Variants in F2RL1 observed in about 807,000 individuals in gnomAD.
F2RL1 encodes F2R like trypsin receptor 1.
F2RL1 carries 16 observed loss-of-function variants against 21.7 expected under a neutral mutation model. That is an observed-to-expected ratio of 0.74 (90% CI 0.50 to 1.12). The LOEUF (loss-of-function observed/expected upper bound fraction) is 1.12. Ranked by LOEUF, F2RL1 falls within the 50% of genes most tolerant of loss-of-function variation. F2RL1 has a pLI of 0.00. For missense variants in F2RL1, 432 were observed against 477.8 expected (o/e 0.90, Z 0.89); for synonymous variants, 181 against 186.7 (o/e 0.97, Z 0.25).
chr5:76,819,308 G>A (rs750214058), intron 1 of F2RL1, 44 bp downstream of exon 1: 3 of 1,520,434 alleles, frequency 2.0e-6, no homozygotes, highest in Admixed American at 4.0e-5. Context: ...TGAGGAGCTG[G>A]GGTCCTGGGC....
chr5:76,822,219 AT>A (rs926842068), intron 1 of F2RL1, among the ~76,000 whole-genome samples: 26 of 149,344 alleles, frequency 1.7e-4, no homozygotes, highest in Middle Eastern at 3.5e-3. Context: ...TGGTATTTCC[AT>A]TTTTTTTTTC....
intron 1 of F2RL1, among the ~76,000 whole-genome samples, chr5:76,828,481 C>A (rs1014376063): frequency 1.5e-5 from 2 of 133,300 alleles, no homozygotes; most frequent in African/African-American, 5.7e-5. Flanking sequence ...ATTCAAATTT[C>A]TTTCTTTTTT....
chr5:76,819,190 G>T lies in F2RL1; in HGVS notation c.8G>T (p.Ser3Ile). Reference sequence around the variant, plus strand: ...GTCGGGGCTTCCAGGAGGATGCGGAGCCCCAGCGCGGCGTGGCTGCTGGGG... The same window carrying T: ...GTCGGGGCTTCCAGGAGGATGCGGATCCCCAGCGCGGCGTGGCTGCTGGGG... MR[S>I]PSAAWLLGAA... The change falls in exon 1 of 2, where the codon AGC becomes ATC. Residue 3 changes from serine to isoleucine, a missense_variant. Coordinates refer to ENST00000296677, the MANE Select transcript of F2RL1 (RefSeq NM_005242.6). The T allele has an allele frequency of 6.3e-7, 1 of 1,583,840 alleles. No individual in the cohort carries two copies. Among genetic ancestry groups the T allele is most frequent in the Non-Finnish European group, 8.5e-7 (1 of 1,174,210 alleles).
intron 1 of F2RL1, among the ~76,000 whole-genome samples, chr5:76,827,325 CA>C (rs764040748): frequency 0.26 from 22,531 of 87,264 alleles, 2,639 homozygotes; most frequent in African/African-American, 0.47. Context: ...ACTAAAAATA[CA>C]AAAAAAAAAA....
At position 76,833,480 on chromosome 5, in the gene F2RL1, T is replaced by G; in HGVS notation, c.873T>G (p.Thr291=). The part of the protein sequence containing the change: ...KRKRAIKLIV[T]VLAMYLICFT... ...AGAGGGCCATCAAACTCATTGTCAC[T>G]GTCCTGGCCATGTACCTGATCTGCT... Residue 291 remains threonine, a synonymous_variant, in exon 2 of 2, where the codon ACT becomes ACG. Coordinates refer to ENST00000296677, the MANE Select transcript of F2RL1 (RefSeq NM_005242.6). 1 of 1,613,914 alleles carries G rather than the reference T, an allele frequency of 6.2e-7. No individual in the cohort carries two copies. Among genetic ancestry groups the G allele is most frequent in the South Asian group, 1.1e-5 (1 of 91,058 alleles).
intron 1 of F2RL1, among the ~76,000 whole-genome samples, chr5:76,822,245 TCTCA>T (rs1047825425): frequency 6.6e-6 from 1 of 152,050 alleles, no homozygotes; most frequent in African/African-American, 2.4e-5. Flanking sequence ...TGAGATAGAA[TCTCA>T]CTCTGTTGCC....
chr5:76,827,325 CAAAAAAAAAAA>C (rs764040748), intron 1 of F2RL1, among the ~76,000 whole-genome samples: 4 of 87,602 alleles, frequency 4.6e-5, no homozygotes, highest in Non-Finnish European at 6.5e-5. Flanking sequence ...ACTAAAAATA[CAAAAAAAAAAA>C]AAAAAAAAAA....
rs755801111 is a variant in F2RL1, at chr5:76,819,197, C to T, written c.15C>T (p.Ser5=). The T allele has an allele frequency of 6.3e-7, 1 of 1,586,674 alleles. No homozygotes were observed. Among genetic ancestry groups the T allele is most frequent in the Non-Finnish European group, 8.5e-7 (1 of 1,175,424 alleles). Residue 5 remains serine, a synonymous_variant, in exon 1 of 2, where the codon AGC becomes AGT. Transcript: ENST00000296677. The part of the protein sequence containing the change: MRSP[S]AAWLLGAAIL... ...CTTCCAGGAGGATGCGGAGCCCCAGCGCGGCGTGGCTGCTGGGGGCCGCCA... is the reference window on the plus strand; with the variant it reads ...CTTCCAGGAGGATGCGGAGCCCCAGTGCGGCGTGGCTGCTGGGGGCCGCCA...
intron 1 of F2RL1, among the ~76,000 whole-genome samples, chr5:76,827,085 A>G (rs1160276722): frequency 1.3e-5 from 2 of 151,536 alleles, no homozygotes; most frequent in East Asian, 2.0e-4. Context: ...TCCTGGCCTC[A>G]AGCACTTCTC....
chr5:76,819,384 T>C, intron 1 of F2RL1, 120 bp downstream of exon 1: 1 of 825,434 alleles, frequency 1.2e-6, no homozygotes, highest in Non-Finnish European at 1.8e-6. Context: ...CACCCATCTC[T>C]ACGAATCCCT....
intron 1 of F2RL1, among the ~76,000 whole-genome samples, chr5:76,820,853 C>A (rs561210068): frequency 4.6e-5 from 7 of 152,162 alleles, no homozygotes; most frequent in Non-Finnish European, 1.0e-4. Flanking sequence ...TCCTCATCCT[C>A]CCCCCACCAT....
chr5:76,833,668 A>G lies in F2RL1; in HGVS notation c.1061A>G (p.His354Arg), dbSNP rs1365940201. Residue 354 changes from histidine (H) to arginine (R), a missense_variant, in exon 2 of 2, where the codon CAT (histidine) becomes CGT (arginine). By Grantham distance (29) the His-to-Arg change is conservative. Transcript: ENST00000296677. Reference sequence around the variant, plus strand: ...TTTGTTTCACATGATTTCAGGGATCATGCAAAGAACGCTCTCCTTTGCCGA... The same window carrying G: ...TTTGTTTCACATGATTTCAGGGATCGTGCAAAGAACGCTCTCCTTTGCCGA... ...YYFVSHDFRD[H>R]AKNALLCRSV... The G allele has an allele frequency of 6.2e-7, 1 of 1,614,056 alleles. No individual in the cohort carries two copies. Among genetic ancestry groups the G allele is most frequent in the Non-Finnish European group, 8.5e-7 (1 of 1,180,028 alleles).
In F2RL1 at chr5:76,832,786, C is replaced by T; in HGVS notation, c.179C>T (p.Ser60Phe). 6.2e-7 allele frequency: 1 copy of T among 1,614,246 alleles called. No individual in the cohort carries two copies. The highest frequency in any genetic ancestry group is 8.5e-7 in the Non-Finnish European group (1 of 1,180,044). The stretch of plus-strand genomic sequence containing the variant: ...GGAGTTACAGTTGAAACAGTCTTTT[C>T]TGTGGATGAGTTTTCTGCATCTGTC... ...GKGVTVETVF[S>F]VDEFSASVLT... is the part of the protein sequence containing the mutation. Residue 60 changes from serine (S) to phenylalanine (F), a missense_variant, in exon 2 of 2, where the codon TCT (serine) becomes TTT (phenylalanine). Physicochemically the swap from Ser to Phe is radical, Grantham distance 155 (BLOSUM62 -2). Transcript: ENST00000296677.
chr5:76,828,652 AT>A (rs34494664), intron 1 of F2RL1, among the ~76,000 whole-genome samples: 76,397 of 146,502 alleles, frequency 0.52, 20,027 homozygotes, highest in South Asian at 0.72. Context: ...TGCCTGGCTA[AT>A]TTTTTTTTTT....
Position 76,832,927 on chromosome 5 carries a change from A to G in F2RL1, c.320A>G (p.Lys107Arg), listed in dbSNP as rs1750377400. ...GTCTTTCTTTTCCGAACTAAGAAGA[A>G]GCACCCTGCTGTGATTTACATGGCC... is the stretch of plus-strand genomic sequence containing the variant. ...LWVFLFRTKK[K>R]HPAVIYMANL... Residue 107 changes from lysine to arginine, a missense_variant, in exon 2 of 2, where the codon AAG (lysine) becomes AGG (arginine). Physicochemically the swap from Lys to Arg is conservative, Grantham distance 26. Coordinates refer to ENST00000296677, the MANE Select transcript of F2RL1 (RefSeq NM_005242.6). 1 of 1,614,244 alleles carries G rather than the reference A, an allele frequency of 6.2e-7. No individual in the cohort carries two copies. The highest frequency in any genetic ancestry group is 1.1e-5 in the South Asian group (1 of 91,084).
chr5:76,821,057 C>G (rs927115327), intron 1 of F2RL1, among the ~76,000 whole-genome samples: 3 of 152,136 alleles, frequency 2.0e-5, no homozygotes, highest in African/African-American at 7.2e-5. Context: ...TTCTGCGTGC[C>G]CCTCAGGTGG....
At chr5:76,827,440 G>A (rs1480052647) in intron 1 of F2RL1, among the ~76,000 whole-genome samples, 3 of 151,014 alleles carry the variant, frequency 2.0e-5, no homozygotes, top group Admixed American at 1.3e-4. Flanking sequence ...CGGAGCTTGC[G>A]GTGAGCCGAG....
At chr5:76,823,370 G>GTTTTT (rs70982642) in intron 1 of F2RL1, among the ~76,000 whole-genome samples, 1 of 125,996 alleles carries the variant, frequency 7.9e-6, no homozygotes, top group Non-Finnish European at 1.6e-5. Context: ...TGGTTGGTTG[G>GTTTTT]TTTTTTTTTT....
At position 76,819,176 on chromosome 5, in the gene F2RL1, C is replaced by G. The variant is rs1416811805; in HGVS notation, c.-7C>G. The G allele has an allele frequency of 3.2e-6, 5 of 1,576,700 alleles. No individual in the cohort carries two copies. The African/African-American group carries it at 6.7e-5, about 21-fold the overall frequency. On this transcript the variant is annotated 5_prime_UTR_variant, in exon 1 of 2. Coordinates refer to ENST00000296677, the MANE Select transcript of F2RL1 (RefSeq NM_005242.6). The stretch of plus-strand genomic sequence containing the variant: ...CCCGCGCGCCCGGCGTCGGGGCTTC[C>G]AGGAGGATGCGGAGCCCCAGCGCGG...
Sources: allele counts gnomAD v4.1 joint callset (sites outside exome capture counted in the v4.1 genomes callset), GRCh38; gene constraint gnomAD v4.1.1; transcripts MANE v1.5; gene names NCBI Gene and HGNC (gene_info 2026-07-23, HGNC 2026-07-21).